Variants in CBX7 observed in about 807,000 individuals in gnomAD.
CBX7 encodes the protein chromobox protein homolog 7.
A neutral mutation model predicts 31.4 loss-of-function variants in CBX7; 14 were observed. The observed-to-expected ratio is 0.45, with a 90% CI of 0.29 to 0.70. The LOEUF is 0.70. Among genes scored for constraint, CBX7 ranks in the 30% least tolerant of loss-of-function variants. The pLI is 0.11. For synonymous variants in CBX7, 159 were observed against 152.6 expected (o/e 1.04, Z -0.31); for missense variants, 269 against 351.9 (o/e 0.76, Z 1.89).
rs755223351 is a variant in CBX7 at position 39,134,610 on chromosome 22, G to C, written c.389C>G (p.Pro130Arg). The C allele has an allele frequency of 3.1e-6, 5 of 1,588,012 alleles. No homozygotes were observed. The South Asian group carries it at 5.7e-5, about 18-fold the overall frequency. ...CGGGAAGGGCAGGGTGGGCACCAAG[G>C]GGCCCTTGTCCACCAGCTCAGGTGC... ...AGAPELVDKG[P>R]LVPTLPFPLR... Residue 130 changes from proline to arginine, a missense_variant, in exon 5 of 6, where the codon CCC (proline) becomes CGC (arginine). Around this residue, in one of 2 missense-constraint regions of CBX7, gnomAD observed 222 missense variants for 240.4 expected, o/e 0.92. Transcript: ENST00000216133.
At chr22:39,148,283 T>G (rs1347636181) in intron 2 of CBX7, 1 of 152,248 alleles carries the variant, frequency 6.6e-6, no homozygotes, top group East Asian at 1.9e-4. Context: ...CGAGCTGCAG[T>G]GGGCAGATGG....
intron 2 of CBX7, chr22:39,148,513 G>T (rs1027031917): frequency 5.3e-5 from 8 of 152,340 alleles, no homozygotes; most frequent in Non-Finnish European, 1.2e-4. Context: ...TGCCCACTCT[G>T]GGCATCGTCA....
chr22:39,137,664 G>C (rs1166272065), intron 4 of CBX7, among the ~76,000 whole-genome samples: 2 of 151,828 alleles, frequency 1.3e-5, no homozygotes, highest in Non-Finnish European at 2.9e-5. Context: ...TTGGATTTTG[G>C]ATCAGGGAGA....
Position 39,152,521 on chromosome 22 carries a change from A to G in CBX7, c.-77T>C, listed in dbSNP as rs1930901035. ...TGCGGGGCCGCGGCTGCGGCGCGCG[A>G]TGCTGGGGCTGGCGGGGTCCCCGTC... On this transcript the variant is annotated 5_prime_UTR_variant, in exon 1 of 6. Transcript: ENST00000216133. This position sits in a 1 kb window ranked among gnomAD's most constrained non-coding sequence, Gnocchi z 4.9. 2 of 627,860 alleles carry G rather than the reference A, an allele frequency of 3.2e-6. No homozygotes were observed. The highest frequency in any genetic ancestry group is 1.4e-4 in the East Asian group (1 of 7,202). The allele number at this position is 627,860 out of a possible 1,614,324, so 38.9% of individuals were successfully genotyped here.
Position 39,139,611 on chromosome 22 carries a change from G to A in CBX7, c.180-909C>T, listed in dbSNP as rs1930378489. Among the ~76,000 whole-genome samples the A allele has an allele frequency of 1.3e-5, 2 of 150,142 alleles. 1 individual carries two copies. Among genetic ancestry groups the A allele is most frequent in the South Asian group, 4.2e-4 (2 of 4,754 alleles). ...CCAGCTACTCGGGAGGCTGAGGCAG[G>A]AGAATGGTGTGAACCTGGGAGGCGG... On this transcript the variant is annotated intron_variant, in intron 3 of 5. Transcript: ENST00000216133.
At chr22:39,137,708 G>A (rs926161332) in intron 4 of CBX7, among the ~76,000 whole-genome samples, 2 of 152,006 alleles carry the variant, frequency 1.3e-5, no homozygotes, top group Non-Finnish European at 2.9e-5. Context: ...CAAGATCCAC[G>A]TCCCTGTCAC....
chr22:39,139,476 GC>G (rs1304720013), intron 3 of CBX7, among the ~76,000 whole-genome samples: 1 of 152,018 alleles, frequency 6.6e-6, no homozygotes, highest in East Asian at 1.9e-4. Context: ...GCTGAGGCGG[GC>G]AGATTACAAG....
At chr22:39,140,714 C>A (rs1447447551) in intron 3 of CBX7, among the ~76,000 whole-genome samples, 1 of 148,196 alleles carries the variant, frequency 6.7e-6, no homozygotes, top group African/African-American at 2.5e-5. Flanking sequence ...AGGCAGGGGA[C>A]CTGGGCTGCC....
rs981931362 is a variant in CBX7, at chr22:39,134,714, G to A, written c.285C>T (p.Ala95=). The A allele has an allele frequency of 6.4e-7, 1 of 1,569,274 alleles. No homozygotes were observed. The highest frequency in any genetic ancestry group is 8.7e-7 in the Non-Finnish European group (1 of 1,155,526). The change falls in exon 5 of 6, where the codon GCC becomes GCT. Residue 95 remains alanine, a synonymous_variant. Transcript: ENST00000216133. ...AGAAGCAGAGCTTCTCCTTGCCCTTGGCCTTGTGGGAGCTCCGCAGGTCCA... is the reference window on the plus strand; with the variant it reads ...AGAAGCAGAGCTTCTCCTTGCCCTTAGCCTTGTGGGAGCTCCGCAGGTCCA... ...YSMDLRSSHK[A]KGKEKLCFSL... is the part of the protein sequence containing the mutation.
intron 4 of CBX7, chr22:39,136,551 G>A (rs1335493896): frequency 6.6e-6 from 1 of 152,414 alleles, no homozygotes; most frequent in Admixed American, 6.5e-5. Flanking sequence ...CTGACTCGAT[G>A]GCACGTGAGC....
chr22:39,134,708 G>A lies in CBX7; in HGVS notation c.291C>T (p.Gly97=). ...MDLRSSHKAK[G]KEKLCFSLTC... ...TCAGGGAGAAGCAGAGCTTCTCCTT[G>A]CCCTTGGCCTTGTGGGAGCTCCGCA... Residue 97 remains glycine, a synonymous_variant, in exon 5 of 6, where the codon GGC becomes GGT. Coordinates refer to ENST00000216133, the MANE Select transcript of CBX7 (RefSeq NM_175709.5). The A allele has an allele frequency of 6.4e-7, 1 of 1,574,314 alleles. No homozygotes were observed. Among genetic ancestry groups the A allele is most frequent in the Non-Finnish European group, 8.6e-7 (1 of 1,158,440 alleles).
intron 3 of CBX7, 124 bp downstream of exon 3, chr22:39,141,247 G>A: frequency 1.4e-6 from 1 of 723,708 alleles, no homozygotes; most frequent in South Asian, 1.7e-5. Context: ...CTGCAGGCTG[G>A]GCTGGCCTGC....
chr22:39,149,609 C>A (rs535455978), intron 2 of CBX7, 180 bp downstream of exon 2: 21 of 623,212 alleles, frequency 3.4e-5, no homozygotes, highest in African/African-American at 3.3e-4. Flanking sequence ...CCACCTTGAC[C>A]CTCCTGTGGT....
chr22:39,152,279 G>T lies in CBX7; in HGVS notation c.69+97C>A. On this transcript the variant is annotated intron_variant, in intron 1 of 5. Coordinates refer to ENST00000216133, the MANE Select transcript of CBX7 (RefSeq NM_175709.5). The surrounding 1 kb of genome is among the most constrained non-coding windows in gnomAD (Gnocchi z 4.9). ...AGCGCAGGGCTGCCGGGGCCCCCGC[G>T]CCCCGCTTTCCCCTTCAGCCCCAGC... The T allele has an allele frequency of 1.3e-6, 1 of 761,242 alleles. No homozygotes were observed. The highest frequency in any genetic ancestry group is 1.8e-6 in the Non-Finnish European group (1 of 570,030). 47.2% of individuals were successfully genotyped at this position (761,242 alleles called of 1,614,324 possible).
Position 39,152,507 on chromosome 22 carries a change from GGCTGCGGCGC to G in CBX7, c.-73_-64del. ...GCCGGGGGCGGAGCTGCGGGGCCGC[GGCTGCGGCGC>G]GCGATGCTGGGGCTGGCGGGGTCCC... is the stretch of plus-strand genomic sequence containing the variant. On this transcript the variant is annotated 5_prime_UTR_variant, in exon 1 of 6. Coordinates refer to ENST00000216133, the MANE Select transcript of CBX7 (RefSeq NM_175709.5). The surrounding 1 kb of genome is among the most constrained non-coding windows in gnomAD (Gnocchi z 4.9). The G allele has an allele frequency of 1.3e-6, 1 of 753,776 alleles. No homozygotes were observed. Among genetic ancestry groups the G allele is most frequent in the South Asian group, 5.7e-5 (1 of 17,414 alleles). 46.7% of individuals were successfully genotyped at this position (753,776 alleles called of 1,614,324 possible).
chr22:39,148,360 A>C (rs931951547), intron 2 of CBX7: 3 of 152,270 alleles, frequency 2.0e-5, no homozygotes, highest in Admixed American at 2.0e-4. Context: ...CTGTTTACAG[A>C]AGAGAATCTT....
Position 39,134,493 on chromosome 22 carries a change from C to G in CBX7, c.506G>C (p.Arg169Pro). 2 of 1,611,494 alleles carry G rather than the reference C, an allele frequency of 1.2e-6. No individual in the cohort carries two copies. Among genetic ancestry groups the G allele is most frequent in the Non-Finnish European group, 1.7e-6 (2 of 1,179,844 alleles). ...TGGCTCCTGCAGGAAGAGCTCCCGT[C>G]GATGGCTGTGGCTCTCCAGGTTGGG... ...RGPNLESHSH[R>P]RELFLQEPPA... Residue 169 changes from arginine to proline, a missense_variant, in exon 5 of 6, where the codon CGA becomes CCA. Physicochemically the swap from Arg to Pro is moderately radical, Grantham distance 103. Around this residue, in one of 2 missense-constraint regions of CBX7, gnomAD observed 222 missense variants for 240.4 expected, o/e 0.92. Coordinates refer to ENST00000216133, the MANE Select transcript of CBX7 (RefSeq NM_175709.5).
chr22:39,134,184 T>C (rs1930155858), intron 5 of CBX7, 136 bp from the exon 6 acceptor site: 7 of 993,152 alleles, frequency 7.0e-6, no homozygotes, highest in Non-Finnish European at 1.0e-5. Context: ...GGCTGGACAC[T>C]TGGGAGGAGG....
At chr22:39,145,871 G>A (rs1206450737) in intron 2 of CBX7, among the ~76,000 whole-genome samples, 1 of 151,938 alleles carries the variant, frequency 6.6e-6, no homozygotes, top group Non-Finnish European at 1.5e-5. Context: ...CTGCTGCGGT[G>A]AGGGCACGCA....
Sources: allele counts gnomAD v4.1 joint callset (sites outside exome capture counted in the v4.1 genomes callset), GRCh38; gene constraint gnomAD v4.1.1; regional missense constraint gnomAD v4.1.1; non-coding constraint Gnocchi (gnomAD v3.1); transcripts MANE v1.5; gene names NCBI Gene and HGNC (gene_info 2026-07-23, HGNC 2026-07-21).